The following ANKRD30A variants were observed in gnomAD, a reference collection of about 807,000 sequenced individuals.
ANKRD30A encodes ankyrin repeat domain 30A.
ANKRD30A carries 170 observed loss-of-function variants against 166.3 expected under a neutral mutation model. The ratio of observed to expected loss-of-function variants is 1.02; its 90% CI spans 0.90 to 1.16. The LOEUF is 1.16. ANKRD30A is among the 50% of genes most tolerant of loss of function. ANKRD30A has a pLI of 0.00. For synonymous variants in ANKRD30A, 564 were observed against 508.9 expected (o/e 1.11, Z -1.46); for missense variants, 1,630 against 1,518.0 (o/e 1.07, Z -1.23).
In ANKRD30A at chr10:37,142,034, A is replaced by G; in HGVS notation, c.1137A>G (p.Arg379=). 6.2e-7 allele frequency: 1 copy of G among 1,614,004 alleles called. No individual in the cohort carries two copies. Among genetic ancestry groups the G allele is most frequent in the South Asian group, 1.1e-5 (1 of 91,070 alleles). ...AATTTACGTGGCCAGCAAAAGGAAG[A>G]CCTAGGAAGATCGCATGGGAGAAAA... ...SEKFTWPAKG[R]PRKIAWEKKE... Residue 379 remains arginine (R), a synonymous_variant, in exon 7 of 36, where the codon AGA becomes AGG. Coordinates refer to ENST00000361713, the MANE Select transcript of ANKRD30A (RefSeq NM_052997.3).
At chr10:37,220,897 A>G (rs1249351685) in intron 34 of ANKRD30A, among the ~76,000 whole-genome samples, 2 of 151,202 alleles carry the variant, frequency 1.3e-5, no homozygotes, top group Non-Finnish European at 3.0e-5. Flanking sequence ...AAATAAAAAT[A>G]CTTTTATTCT....
chr10:37,199,984 A>G (rs897650078), intron 30 of ANKRD30A, among the ~76,000 whole-genome samples, 196 bp downstream of exon 30: 13 of 152,214 alleles, frequency 8.5e-5, no homozygotes, highest in African/African-American at 3.1e-4. Flanking sequence ...GTGAATTTGT[A>G]GGATTAATTT....
intron 27 of ANKRD30A, among the ~76,000 whole-genome samples, chr10:37,196,620 A>T (rs944234063): frequency 2.6e-5 from 4 of 152,186 alleles, no homozygotes; most frequent in Non-Finnish European, 4.4e-5. Flanking sequence ...ATTGCAATAA[A>T]TTTTTATAGA....
intron 31 of ANKRD30A, among the ~76,000 whole-genome samples, chr10:37,208,121 A>G (rs990353977): frequency 6.6e-5 from 10 of 152,138 alleles, no homozygotes; most frequent in Admixed American, 2.0e-4. Context: ...GGTTTTGATA[A>G]GGAAGCAGAG....
chr10:37,242,487 CCTT>C, the ANKRD30A span, among the ~76,000 whole-genome samples: 2 of 152,148 alleles, frequency 1.3e-5, no homozygotes, highest in Non-Finnish European at 2.9e-5. Flanking sequence ...TCTCTTCAAA[CCTT>C]CAAGTTATTC....
At chr10:37,212,935 T>C (rs1392028315) in intron 31 of ANKRD30A, among the ~76,000 whole-genome samples, 3 of 151,966 alleles carry the variant, frequency 2.0e-5, no homozygotes, top group Non-Finnish European at 4.4e-5. Context: ...ACATAAATTT[T>C]ATATTATTAC....
rs867802418 is a variant in ANKRD30A, at chr10:37,164,391, A to G, written c.2003-703A>G. On this transcript the variant is annotated intron_variant, in intron 17 of 35. Coordinates refer to ENST00000361713, the MANE Select transcript of ANKRD30A (RefSeq NM_052997.3). ...TGGGAACATTAGATTACTTAAGGCA[A>G]TTATATTTTCCTATACATTTCTGAT... Among the ~76,000 whole-genome samples, 90 of 150,486 alleles carry G rather than the reference A, an allele frequency of 6.0e-4. 1 individual carries two copies. The highest frequency in any genetic ancestry group is 1.9e-3 in the African/African-American group (79 of 40,628).
downstream of ANKRD30A, chr10:37,232,697 T>TATATATATATAG (rs1273812991): frequency 5.1e-5 from 4 of 78,400 alleles, no homozygotes; most frequent in Non-Finnish European, 9.6e-5. Flanking sequence ...TATATATAAA[T>TATATATATATAG]AGAGAGAGAG....
chr10:37,237,229 T>G (rs1843705068), downstream of ANKRD30A, among the ~76,000 whole-genome samples: 1 of 152,212 alleles, frequency 6.6e-6, no homozygotes, highest in Non-Finnish European at 1.5e-5. Context: ...TGGAGCTACT[T>G]GGCTTTGTGA....
At chr10:37,209,824 A>G (rs1429762034) in intron 31 of ANKRD30A, among the ~76,000 whole-genome samples, 1 of 151,988 alleles carries the variant, frequency 6.6e-6, no homozygotes, top group African/African-American at 2.4e-5. Flanking sequence ...TTGAGATATT[A>G]TATTTTTTTT....
Position 37,162,824 on chromosome 10 carries a change from A to C in ANKRD30A, c.1978A>C (p.Lys660Gln), listed in dbSNP as rs183760470. 1 of 1,613,654 alleles carries C rather than the reference A, an allele frequency of 6.2e-7. No homozygotes were observed. The highest frequency in any genetic ancestry group is 1.3e-5 in the African/African-American group (1 of 75,030). Residue 660 changes from lysine (K) to glutamine (Q), a missense_variant, in exon 17 of 36, where the codon AAA becomes CAA. Transcript: ENST00000361713. The part of the protein sequence containing the change: ...KSVPNKALEL[K>Q]NEQTLRADEI... ...TGTCCCAAATAAAGCCTTGGAATTG[A>C]AAAATGAACAAACATTGAGAGCAGG...
At chr10:37,182,936 A>G (rs572591280) in intron 24 of ANKRD30A, among the ~76,000 whole-genome samples, 34 of 151,414 alleles carry the variant, frequency 2.2e-4, no homozygotes, top group African/African-American at 7.5e-4. Flanking sequence ...CACTGTACAT[A>G]TTGTCCTGGA....
intron 6 of ANKRD30A, 75 bp from the exon 7 acceptor site, chr10:37,141,643 G>C: frequency 1.3e-6 from 2 of 1,526,660 alleles, no homozygotes; most frequent in South Asian, 2.3e-5. Context: ...AGAATGAGTA[G>C]AAGTTTGCCA....
chr10:37,238,103 T>C, the ANKRD30A span, among the ~76,000 whole-genome samples: 4 of 152,134 alleles, frequency 2.6e-5, no homozygotes, highest in South Asian at 2.1e-4. Context: ...TCCCTAAGCT[T>C]CTGGATGCCC....
intron 27 of ANKRD30A, among the ~76,000 whole-genome samples, chr10:37,193,914 G>T (rs1053178606): frequency 6.6e-6 from 1 of 152,144 alleles, no homozygotes; most frequent in African/African-American, 2.4e-5. Context: ...TTTACAATAG[G>T]CCGTGCACGG....
At chr10:37,215,990 G>A (rs1387846021) in intron 31 of ANKRD30A, among the ~76,000 whole-genome samples, 191 bp from the exon 32 acceptor site, 1 of 149,662 alleles carries the variant, frequency 6.7e-6, no homozygotes, top group South Asian at 2.1e-4. Flanking sequence ...TTGCTTTTCA[G>A]TATATTTTAA....
At chr10:37,233,974 C>G (rs1293853190), downstream of ANKRD30A, among the ~76,000 whole-genome samples, 1 of 152,056 alleles carries the variant, frequency 6.6e-6, no homozygotes, top group Non-Finnish European at 1.5e-5. Flanking sequence ...TCTTTATTTG[C>G]AAGGTTGTAA....
intron 9 of ANKRD30A, 122 bp from the exon 10 acceptor site, chr10:37,149,529 A>C: frequency 8.1e-7 from 1 of 1,240,694 alleles, no homozygotes; most frequent in Non-Finnish European, 1.1e-6. Flanking sequence ...AAACTTTCCA[A>C]ATCTAAAGTA....
chr10:37,196,310 TG>T (rs1451116043), intron 27 of ANKRD30A, among the ~76,000 whole-genome samples: 3 of 152,028 alleles, frequency 2.0e-5, no homozygotes, highest in Admixed American at 2.0e-4. Flanking sequence ...GGAACCACAG[TG>T]ACACATTAGG....
Sources: gnomAD v4.1 joint callset for allele counts (sites outside exome capture counted in the v4.1 genomes callset) on GRCh38, gnomAD v4.1.1 for gene constraint, MANE v1.5 for transcripts, NCBI Gene and HGNC (gene_info 2026-07-23, HGNC 2026-07-21) for gene names.